PRSS53: variants seen among roughly 807,000 people sequenced by gnomAD.
PRSS53 encodes the protein EDTP308.
In PRSS53, 54 loss-of-function variants were observed where a neutral mutation model predicts 62.7. The observed-to-expected ratio is 0.86, with a 90% CI of 0.69 to 1.08. The LOEUF (loss-of-function observed/expected upper bound fraction) is 1.08. Among genes scored for constraint, PRSS53 ranks in the 50% least tolerant of loss-of-function variants. PRSS53 has a pLI of 0.00. For missense variants in PRSS53, 688 were observed against 728.3 expected, an observed-to-expected ratio of 0.94 and a Z score of 0.64; for synonymous variants, 273 against 300.0, an observed-to-expected ratio of 0.91 and a Z score of 0.93.
rs748258706 is a variant in PRSS53, at chr16:31,086,441, A to G, written c.559T>C (p.Cys187Arg). Residue 187 changes from cysteine to arginine, a missense_variant, in exon 5 of 11, where the codon TGT (cysteine) becomes CGT (arginine). Transcript: ENST00000280606. ...TGCAGCTGGTTGTAGATACAGTTACATGTGGGGCGACTGATGAGACGCAGG... is the reference window on the plus strand; with the variant it reads ...TGCAGCTGGTTGTAGATACAGTTACGTGTGGGGCGACTGATGAGACGCAGG... 4 of 1,613,916 alleles carry G rather than the reference A, an allele frequency of 2.5e-6. No homozygotes were observed. In the African/African-American group the frequency reaches 4.0e-5, roughly 16 times the overall value.
At chr16:31,088,664 C>A in intron 1 of PRSS53, 88 bp downstream of exon 1, 1 of 1,598,018 alleles carries the variant, frequency 6.3e-7, no homozygotes, top group East Asian at 2.2e-5. Context: ...CAGGCGGTCC[C>A]CCCACCAAGA....
intron 1 of PRSS53, chr16:31,088,319 AGCCCGCCAGAGAGAGGGCCCCT>A (rs2057255606): frequency 1.8e-6 from 2 of 1,116,084 alleles, no homozygotes; most frequent in Admixed American, 4.5e-5. Context: ...ACTGTCTGAG[AGCCCGCCAGAGAGAGGGCCCCT>A]GCCCACCGCC....
At chr16:31,088,653 A>G (rs1484930292) in intron 1 of PRSS53, 99 bp downstream of exon 1, 2 of 1,588,638 alleles carry the variant, frequency 1.3e-6, no homozygotes, top group Non-Finnish European at 1.7e-6. Flanking sequence ...ACTGTCGCCC[A>G]CAGGCGGTCC....
At chr16:31,087,470 T>C (rs2057245982) in intron 3 of PRSS53, 67 bp downstream of exon 3, 2 of 1,258,718 alleles carry the variant, frequency 1.6e-6, no homozygotes, top group East Asian at 2.4e-5. Context: ...ACTAGCCTTG[T>C]GGGGCTTGAG....
intron 3 of PRSS53, chr16:31,087,216 T>C: frequency 1.9e-6 from 1 of 533,174 alleles, no homozygotes; most frequent in South Asian, 2.3e-5. Context: ...AGGCTAGTCT[T>C]GAACTCTTGG....
exon 1 of PRSS53, chr16:31,088,846 TGA>T (rs781316480): frequency 6.2e-6 from 10 of 1,611,958 alleles, no homozygotes; most frequent in Middle Eastern, 1.6e-4. Context: ...TGCTCCACTC[TGA>T]GAGAGGCCAC....
chr16:31,086,442 TGTG>T lies in PRSS53; in HGVS notation c.555_557del (p.Thr186del), dbSNP rs2057234515. 5.0e-6 allele frequency: 8 copies of T among 1,613,976 alleles called. No homozygotes were observed. In the East Asian group the frequency reaches 1.8e-4, roughly 36 times the overall value. ...GCAGCTGGTTGTAGATACAGTTACA[TGTG>T]GGGCGACTGATGAGACGCAGGCGCA... On this transcript the variant is annotated inframe_deletion, in exon 5 of 11. Transcript: ENST00000280606.
chr16:31,088,073 G>T, intron 1 of PRSS53: 2 of 1,411,712 alleles, frequency 1.4e-6, no homozygotes, highest in South Asian at 1.5e-5. Flanking sequence ...TTGGGGTTCA[G>T]CTTGGGAGTA....
intron 1 of PRSS53, 109 bp from the exon 2 acceptor site, chr16:31,087,935 T>A (rs2057252083): frequency 6.4e-7 from 1 of 1,559,908 alleles, no homozygotes. Context: ...CCTGTGACTC[T>A]GATTACCTTA....
At chr16:31,088,313 T>A in intron 1 of PRSS53, 1 of 1,117,206 alleles carries the variant, frequency 9.0e-7, no homozygotes, top group South Asian at 2.5e-5. Flanking sequence ...CCAGAAACTG[T>A]CTGAGAGCCC....
intron 1 of PRSS53, chr16:31,088,349 G>A (rs913982538): frequency 2.2e-5 from 24 of 1,108,846 alleles, no homozygotes; most frequent in Admixed American, 1.4e-4. Context: ...CCTGCCCACC[G>A]CCCCTCACAG....
At position 31,088,746 on chromosome 16, in the gene PRSS53, G is replaced by A. The variant is rs1315845748; in HGVS notation, c.58+6C>T. The A allele has an allele frequency of 2.5e-6, 4 of 1,613,246 alleles. No homozygotes were observed. Among genetic ancestry groups the A allele is most frequent in the African/African-American group, 1.3e-5 (1 of 74,896 alleles). On this transcript the variant is annotated splice_donor_region_variant and intron_variant, in intron 1 of 10. Transcript: ENST00000280606. The stretch of plus-strand genomic sequence containing the variant: ...CACACCCATACCCCAGCACATGGCG[G>A]CTTACCCTCCATGAGGACTGTGGCA...
exon 8 of PRSS53, chr16:31,084,896 A>G: frequency 6.5e-7 from 1 of 1,544,012 alleles, no homozygotes; most frequent in East Asian, 2.4e-5. Flanking sequence ...AGGCTGGGCC[A>G]GCAGCAGGAG....
chr16:31,088,026 A>G, intron 1 of PRSS53, 200 bp from the exon 2 acceptor site: 2 of 1,465,308 alleles, frequency 1.4e-6, no homozygotes, highest in Non-Finnish European at 1.8e-6. Flanking sequence ...ACACTCAGTA[A>G]TTAATTCTCC....
rs945546055 is a variant in PRSS53, at chr16:31,087,809, G to A, written c.76C>T (p.Arg26Cys). The A allele has an allele frequency of 8.1e-6, 13 of 1,613,878 alleles. No homozygotes were observed. In the East Asian group the frequency reaches 2.5e-4, roughly 30 times the overall value. Residue 26 changes from arginine (R) to cysteine (C), a missense_variant, in exon 2 of 11, where the codon CGT becomes TGT. Arg to Cys is a radical substitution (Grantham distance 180). Transcript: ENST00000280606. ...GCCCCGTGTCCCCAGACCTTACCAC[G>A]CTGAGCGGCTTGAAGACCTGGGAAG... is the stretch of plus-strand genomic sequence containing the variant.
At chr16:31,088,156 G>T in intron 1 of PRSS53, 1 of 1,306,234 alleles carries the variant, frequency 7.7e-7, no homozygotes, top group Non-Finnish European at 9.8e-7. Flanking sequence ...CGGCCTGTGT[G>T]TGTAGAGAGC....
At chr16:31,084,189 C>T (rs2057201447) in exon 10 of PRSS53, 2 of 1,609,698 alleles carry the variant, frequency 1.2e-6, no homozygotes, top group Non-Finnish European at 1.7e-6. Context: ...CCTGCCAGTC[C>T]AAACTGCTGA....
chr16:31,085,085 C>G, intron 7 of PRSS53, 25 bp downstream of exon 7: 1 of 1,612,820 alleles, frequency 6.2e-7, no homozygotes, highest in Non-Finnish European at 8.5e-7. Flanking sequence ...GCAGGGGGCA[C>G]AGCAGAGAGG....
Position 31,085,383 on chromosome 16 carries a change from A to G in PRSS53, c.884-123T>C, listed in dbSNP as rs548368782. ...CATTACTGAAGGTAACCAAAGTTCC[A>G]GAGAGGTTAAGAGACTTCCTTGCTC... On this transcript the variant is annotated intron_variant, in intron 6 of 10. Coordinates refer to ENST00000280606, the Ensembl canonical transcript of PRSS53. 1.3e-3 allele frequency: 1,503 copies of G among 1,136,674 alleles called. 11 individuals carry two copies. The highest frequency in any genetic ancestry group is 5.5e-3 in the South Asian group (326 of 59,750). The allele number at this position is 1,136,674 out of a possible 1,614,324, so 70.4% of individuals were successfully genotyped here.
Sources: gnomAD v4.1 joint callset for allele counts on GRCh38, gnomAD v4.1.1 for gene constraint, MANE v1.5 for transcripts, NCBI Gene and HGNC (gene_info 2026-07-23, HGNC 2026-07-21) for gene names.